The following EFHC2 variants were observed in gnomAD, a reference collection of about 807,000 sequenced individuals.
EFHC2 encodes the protein EF-hand domain-containing family member C2.
Under a neutral mutation model 52.7 loss-of-function variants are expected in EFHC2, and 18 were observed. The observed-to-expected ratio is 0.34, with a 90% CI of 0.24 to 0.51. The LOEUF is 0.51. Ranked by LOEUF, EFHC2 falls within the 20% of genes least tolerant of loss-of-function variation. The probability of loss-of-function intolerance (pLI) is 0.97; values close to 1 mark genes in which losing one functional copy is unlikely to be tolerated. For missense variants in EFHC2, 513 were observed against 562.5 expected (o/e 0.91, Z 0.89); for synonymous variants, 203 against 204.1 (o/e 0.99, Z 0.04).
Position 44,304,362 on chromosome X carries a change from G to A in EFHC2, c.231+8206C>T, listed in dbSNP as rs371290067. ...AGTTAAGGAAACTGAGGCTCAGAGA[G>A]GTAAAGTGACTAAGCCACAATCACA... On this transcript the variant is annotated intron_variant, in intron 2 of 14. Coordinates refer to ENST00000420999, the MANE Select transcript of EFHC2 (RefSeq NM_025184.4). Among the ~76,000 whole-genome samples the A allele has an allele frequency of 2.7e-5, 3 of 112,166 alleles. No homozygotes were observed. In the East Asian group the frequency reaches 8.4e-4, roughly 31 times the overall value.
chrX:44,265,091 A>T (rs140366432), intron 3 of EFHC2, among the ~76,000 whole-genome samples: 4,426 of 111,234 alleles, frequency 0.04, 203 homozygotes, highest in African/African-American at 0.14. Flanking sequence ...TCAAGCTTTA[A>T]CTTTCTAACA....
chrX:44,155,422 T>TAG (rs2036599953), intron 14 of EFHC2, among the ~76,000 whole-genome samples: 1 of 112,374 alleles, frequency 8.9e-6, no homozygotes, highest in African/African-American at 3.2e-5. Context: ...TAATGGGCCC[T>TAG]AGATTTATTT....
intron 14 of EFHC2, among the ~76,000 whole-genome samples, chrX:44,158,498 C>T (rs982598688): frequency 1.8e-5 from 2 of 111,149 alleles, no homozygotes; most frequent in African/African-American, 3.3e-5. Flanking sequence ...GGGAGCTCAG[C>T]CTGCCATTCC....
chrX:44,343,566 C>G lies in EFHC2; in HGVS notation c.23G>C (p.Gly8Ala). Residue 8 changes from glycine (G) to alanine (A), a missense_variant, in exon 1 of 15, where the codon GGC becomes GCC. By Grantham distance (60) the Gly-to-Ala change is moderately conservative. Coordinates refer to ENST00000420999, the MANE Select transcript of EFHC2 (RefSeq NM_025184.4). MALPLLP[G>A]NSFNRNVGKE... ...ACTCACGTTGCGGTTGAAGCTGTTG[C>G]CCGGCAGCAGAGGCAGGGCCATGGC... The G allele has an allele frequency of 8.3e-7, 1 of 1,197,741 alleles. No individual in the cohort carries two copies.
chrX:44,207,725 A>G (rs1158766151), intron 11 of EFHC2, among the ~76,000 whole-genome samples: 3 of 112,125 alleles, frequency 2.7e-5, no homozygotes, highest in African/African-American at 9.7e-5. Flanking sequence ...CAACCCACAG[A>G]ATGGGAGATA....
intron 11 of EFHC2, among the ~76,000 whole-genome samples, chrX:44,214,107 A>G (rs1432954061): frequency 8.9e-6 from 1 of 111,839 alleles, no homozygotes; most frequent in African/African-American, 3.3e-5. Context: ...CAAAAAGTGT[A>G]ACAAATAGGT....
chrX:44,158,718 G>A (rs2036628161), intron 14 of EFHC2, among the ~76,000 whole-genome samples: 2 of 110,849 alleles, frequency 1.8e-5, no homozygotes, highest in Non-Finnish European at 3.8e-5. Context: ...CTCCACCATG[G>A]CCTCTTATGG....
At chrX:44,215,761 CA>C (rs2037142044) in intron 11 of EFHC2, among the ~76,000 whole-genome samples, 1 of 111,677 alleles carries the variant, frequency 9.0e-6, no homozygotes, top group South Asian at 3.7e-4. Flanking sequence ...TCTAAACTCA[CA>C]AAAGCCTCCA....
chrX:44,250,256 G>A lies in EFHC2; in HGVS notation c.796C>T (p.Leu266Phe), dbSNP rs1402025830. Residue 266 changes from leucine to phenylalanine, a missense_variant, in exon 5 of 15, where the codon CTT becomes TTT. Transcript: ENST00000420999. ...GCATCTCGGCCTGAGCTGTGTGGAAGCAATTCTTTGATTTCAATAGTATCA... is the reference window on the plus strand; with the variant it reads ...GCATCTCGGCCTGAGCTGTGTGGAAACAATTCTTTGATTTCAATAGTATCA... ...CDDTIEIKEL[L>F]PHSSGRDALK... 1 of 1,209,124 alleles carries A rather than the reference G, an allele frequency of 8.3e-7. No homozygotes were observed. The highest frequency in any genetic ancestry group is 1.8e-5 in the African/African-American group (1 of 57,073).
chrX:44,195,452 G>GT (rs1165745300), intron 11 of EFHC2, among the ~76,000 whole-genome samples: 1 of 105,697 alleles, frequency 9.5e-6, no homozygotes, highest in Non-Finnish European at 2.0e-5. Flanking sequence ...TTGTTTTTTT[G>GT]TTTTTTTGCG....
intron 14 of EFHC2, among the ~76,000 whole-genome samples, chrX:44,157,736 A>ACCCCCCCCCCCCCCCCCCCC (rs1348786049): frequency 1.5e-5 from 1 of 66,677 alleles, no homozygotes; most frequent in Non-Finnish European, 2.7e-5. Flanking sequence ...TGAGTGCTCC[A>ACCCCCCCCCCCCCCCCCCCC]CCCCCCTCCC....
intron 11 of EFHC2, among the ~76,000 whole-genome samples, chrX:44,222,258 T>C (rs1311249793): frequency 9.0e-6 from 1 of 111,110 alleles, no homozygotes; most frequent in African/African-American, 3.3e-5. Flanking sequence ...AATAAGGACT[T>C]GTAGAAACTG....
At chrX:44,296,974 T>A (rs1374702128) in intron 2 of EFHC2, among the ~76,000 whole-genome samples, 1 of 112,087 alleles carries the variant, frequency 8.9e-6, no homozygotes, top group Admixed American at 9.4e-5. Flanking sequence ...GTAGCACAAA[T>A]GAGCATTGGG....
chrX:44,179,116 C>T (rs1286682152), intron 11 of EFHC2, among the ~76,000 whole-genome samples: 2 of 109,692 alleles, frequency 1.8e-5, no homozygotes, highest in East Asian at 2.9e-4. Context: ...CCTATGTAAG[C>T]GTACAGCTGT....
At chrX:44,215,532 G>T (rs1310080132) in intron 11 of EFHC2, among the ~76,000 whole-genome samples, 1 of 106,996 alleles carries the variant, frequency 9.3e-6, no homozygotes, top group Non-Finnish European at 1.9e-5. Flanking sequence ...CTTCCATTGG[G>T]GGGGGGTGGT....
intron 14 of EFHC2, among the ~76,000 whole-genome samples, chrX:44,156,025 T>C (rs747558316): frequency 6.2e-5 from 7 of 112,584 alleles, no homozygotes; most frequent in African/African-American, 2.3e-4. Context: ...AGAGTTGTCA[T>C]CTATGTGTGA....
At position 44,341,200 on chromosome X, in the gene EFHC2, G is replaced by T. The variant is rs760449104; in HGVS notation, c.42+2347C>A. On this transcript the variant is annotated intron_variant, in intron 1 of 14. Coordinates refer to ENST00000420999, the MANE Select transcript of EFHC2 (RefSeq NM_025184.4). ...CCATTGATAAAAGGTTCAAAGGCAAGCAAAACCTAATTATAGTGATAGGAG... is the reference window on the plus strand; with the variant it reads ...CCATTGATAAAAGGTTCAAAGGCAATCAAAACCTAATTATAGTGATAGGAG... Among the ~76,000 whole-genome samples the T allele has an allele frequency of 3.0e-4, 33 of 111,733 alleles. No individual in the cohort carries two copies. In the South Asian group the frequency reaches 0.012, roughly 40 times the overall value.
chrX:44,153,022 T>A (rs2036582190), intron 14 of EFHC2, among the ~76,000 whole-genome samples: 1 of 112,282 alleles, frequency 8.9e-6, no homozygotes, highest in African/African-American at 3.2e-5. Flanking sequence ...ATTCGGGGAC[T>A]GGATCCTCTT....
intron 2 of EFHC2, among the ~76,000 whole-genome samples, chrX:44,299,714 A>G (rs1354010438): frequency 8.9e-6 from 1 of 112,190 alleles, no homozygotes; most frequent in East Asian, 2.8e-4. Flanking sequence ...TTGGCAAAAT[A>G]AACTTTCTAA....
Sources: allele counts gnomAD v4.1 joint callset (sites outside exome capture counted in the v4.1 genomes callset), GRCh38; gene constraint gnomAD v4.1.1; transcripts MANE v1.5; gene names NCBI Gene and HGNC (gene_info 2026-07-23, HGNC 2026-07-21).